The following VEGFC variants were observed in gnomAD, a reference collection of about 807,000 sequenced individuals.
VEGFC encodes the protein FLT4 ligand DHM.
A neutral mutation model predicts 46.1 loss-of-function variants in VEGFC; 12 were observed. The observed-to-expected ratio is 0.26, with a 90% CI of 0.17 to 0.42. VEGFC has a LOEUF of 0.42. VEGFC is among the 10% of genes least tolerant of loss of function. The probability of loss-of-function intolerance (pLI) is 1.00; values close to 1 mark genes in which losing one functional copy is unlikely to be tolerated. For missense variants in VEGFC, 488 were observed against 529.4 expected, an observed-to-expected ratio of 0.92 and a Z score of 0.77; for synonymous variants, 232 against 195.5, an observed-to-expected ratio of 1.19 and a Z score of -1.56.
chr4:176,763,928 T>C (rs537812302), intron 1 of VEGFC, among the ~76,000 whole-genome samples: 1 of 152,150 alleles, frequency 6.6e-6, no homozygotes, highest in South Asian at 2.1e-4. Flanking sequence ...AAGAGGAATT[T>C]AAACCAAAGG....
intron 1 of VEGFC, among the ~76,000 whole-genome samples, chr4:176,783,150 A>C (rs1371674103): frequency 2.6e-5 from 4 of 152,250 alleles, no homozygotes; most frequent in African/African-American, 7.2e-5. Flanking sequence ...GCTTACTCTC[A>C]GAGAAGGAAA....
rs994274023 is a variant in VEGFC at position 176,683,750 on chromosome 4, C to T, written c.*176G>A. ...GCAGAAAACCAGTCTTTACAAGAGG[C>T]CTTTTGCAGATGAGCTCCAGTCCAT... On this transcript the variant is annotated 3_prime_UTR_variant, in exon 7 of 7. Coordinates refer to ENST00000618562, the MANE Select transcript of VEGFC (RefSeq NM_005429.5). 4.5e-6 allele frequency: 2 copies of T among 441,952 alleles called. No homozygotes were observed. Among genetic ancestry groups the T allele is most frequent in the African/African-American group, 2.0e-5 (1 of 50,152 alleles). The allele number at this position is 441,952 out of a possible 1,614,324, so 27.4% of individuals were successfully genotyped here.
intron 4 of VEGFC, among the ~76,000 whole-genome samples, chr4:176,701,141 G>C (rs1314012010): frequency 3.3e-5 from 5 of 152,158 alleles, no homozygotes; most frequent in Non-Finnish European, 7.3e-5. Flanking sequence ...CTCCTCAACT[G>C]TTACAAATGT....
chr4:176,713,046 T>G (rs1244821021), intron 3 of VEGFC, among the ~76,000 whole-genome samples: 52 of 152,194 alleles, frequency 3.4e-4, no homozygotes, highest in Non-Finnish European at 8.8e-5. Flanking sequence ...AACACTTGAC[T>G]CATTATTCTC....
chr4:176,756,812 T>A (rs1735440215), intron 1 of VEGFC, among the ~76,000 whole-genome samples: 1 of 152,060 alleles, frequency 6.6e-6, no homozygotes, highest in Non-Finnish European at 1.5e-5. Context: ...TTAGGTTCTA[T>A]TGCAATCACC....
rs753815476 is a variant in VEGFC, at chr4:176,729,747, C to A, written c.148-1G>T. ...CCTCCAGATCTTTGCTTGCATAAGC[C>A]TGTCAAAGAAAAATGCAAGATCAAT... On this transcript the variant is annotated splice_acceptor_variant, in intron 1 of 6. Coordinates refer to ENST00000618562, the MANE Select transcript of VEGFC (RefSeq NM_005429.5). LOFTEE classifies it high-confidence loss of function. 1.3e-6 allele frequency: 2 copies of A among 1,566,420 alleles called. No homozygotes were observed. The highest frequency in any genetic ancestry group is 1.7e-6 in the Non-Finnish European group (2 of 1,157,470).
chr4:176,764,598 A>C (rs1735584311), intron 1 of VEGFC, among the ~76,000 whole-genome samples: 1 of 152,166 alleles, frequency 6.6e-6, no homozygotes, highest in African/African-American at 2.4e-5. Flanking sequence ...AAGAAAAAAA[A>C]TCTCATAAAT....
At chr4:176,734,894 C>T (rs1430421592) in intron 1 of VEGFC, among the ~76,000 whole-genome samples, 2 of 151,534 alleles carry the variant, frequency 1.3e-5, no homozygotes, top group African/African-American at 4.8e-5. Context: ...TAATTTTATG[C>T]CTTTGTATGA....
intron 1 of VEGFC, among the ~76,000 whole-genome samples, chr4:176,769,295 C>T (rs376002619): frequency 9.9e-5 from 15 of 152,030 alleles, no homozygotes; most frequent in Non-Finnish European, 2.1e-4. Context: ...ACTAAGACAC[C>T]CTGTGACCCT....
At chr4:176,753,960 G>A (rs192832468) in intron 1 of VEGFC, among the ~76,000 whole-genome samples, 97 of 152,082 alleles carry the variant, frequency 6.4e-4, no homozygotes, top group Non-Finnish European at 1.3e-3. Context: ...ACGTCCTTTC[G>A]CCTAGGTTAT....
intron 1 of VEGFC, among the ~76,000 whole-genome samples, chr4:176,739,724 C>T (rs1365781359): frequency 6.6e-6 from 1 of 151,584 alleles, no homozygotes; most frequent in African/African-American, 2.4e-5. Flanking sequence ...CAAACCTACA[C>T]ATCCTGCACA....
intron 4 of VEGFC, among the ~76,000 whole-genome samples, chr4:176,694,249 G>A (rs1312492807): frequency 6.6e-6 from 1 of 150,444 alleles, no homozygotes. Context: ...CACGTGCAGA[G>A]ACACACATAG....
intron 4 of VEGFC, 44 bp from the exon 5 acceptor site, chr4:176,687,971 C>CCTT: frequency 8.7e-7 from 1 of 1,147,358 alleles, no homozygotes; most frequent in Non-Finnish European, 1.3e-6. Flanking sequence ...GTAACTGGTA[C>CCTT]CTAGAAGGGA....
chr4:176,765,025 T>C (rs1394150252), intron 1 of VEGFC, among the ~76,000 whole-genome samples: 2 of 152,036 alleles, frequency 1.3e-5, no homozygotes, highest in Non-Finnish European at 2.9e-5. Context: ...TTCAGCAACA[T>C]AGCAAGACTC....
intron 1 of VEGFC, among the ~76,000 whole-genome samples, chr4:176,763,662 T>A (rs1735568667): frequency 6.6e-6 from 1 of 152,204 alleles, no homozygotes; most frequent in Non-Finnish European, 1.5e-5. Context: ...ATTTGGTTCA[T>A]ATTAACCCAC....
At chr4:176,744,728 A>G (rs372467781) in intron 1 of VEGFC, among the ~76,000 whole-genome samples, 18 of 152,224 alleles carry the variant, frequency 1.2e-4, no homozygotes, top group South Asian at 6.2e-4. Context: ...CATCTCTCCT[A>G]TAATACTTCA....
chr4:176,768,769 G>C (rs1735675716), intron 1 of VEGFC, among the ~76,000 whole-genome samples: 1 of 151,696 alleles, frequency 6.6e-6, no homozygotes, highest in South Asian at 2.1e-4. Flanking sequence ...CTATACCTTA[G>C]AGCCTACTGA....
chr4:176,764,662 G>GC (rs1258486953), intron 1 of VEGFC, among the ~76,000 whole-genome samples: 1 of 152,140 alleles, frequency 6.6e-6, no homozygotes, highest in Non-Finnish European at 1.5e-5. Flanking sequence ...AAGTGGGTAG[G>GC]CCATACCAGA....
chr4:176,775,076 A>T (rs1450345794), intron 1 of VEGFC, among the ~76,000 whole-genome samples: 1 of 152,208 alleles, frequency 6.6e-6, no homozygotes, highest in Non-Finnish European at 1.5e-5. Flanking sequence ...CAGATGGGAA[A>T]TAACGTGGCA....
Sources: allele counts gnomAD v4.1 joint callset (sites outside exome capture counted in the v4.1 genomes callset), GRCh38; gene constraint gnomAD v4.1.1; transcripts MANE v1.5; gene names NCBI Gene and HGNC (gene_info 2026-07-23, HGNC 2026-07-21).